RBFOX1: variants seen among roughly 807,000 people sequenced by gnomAD.
RBFOX1 encodes RNA binding protein fox-1 homolog 1.
Under a neutral mutation model 57.7 loss-of-function variants are expected in RBFOX1, and 8 were observed. That is an observed-to-expected ratio of 0.14 (90% CI 0.08 to 0.25). The LOEUF is 0.25. Among genes scored for constraint, RBFOX1 ranks in the 10% least tolerant of loss-of-function variants. The probability of loss-of-function intolerance (pLI) is 1.00; values close to 1 mark genes in which losing one functional copy is unlikely to be tolerated. For missense variants in RBFOX1, 611 were observed against 548.5 expected (o/e 1.11, Z -1.14); for synonymous variants, 326 against 222.4 (o/e 1.47, Z -4.15).
rs551245907 is a variant in RBFOX1, at chr16:5,263,221, G to A, written c.219+23116G>A. 3.4e-4 allele frequency among the ~76,000 whole-genome samples: 51 copies of A among 152,146 alleles called. 1 individual carries two copies. Among genetic ancestry groups the A allele is most frequent in the Non-Finnish European group, 5.7e-4 (39 of 68,038 alleles). The stretch of plus-strand genomic sequence containing the variant: ...CTGCATGGAGGAGGTAGTTATAGGT[G>A]ATGAGATGACTCAGGGACAAAGTTT... On this transcript the variant is annotated intron_variant, in intron 1 of 2. Transcript: ENST00000585867.
At chr16:5,413,463 A>G (rs902550825) in intron 1 of RBFOX1, among the ~76,000 whole-genome samples, 4 of 152,218 alleles carry the variant, frequency 2.6e-5, no homozygotes, top group African/African-American at 9.6e-5. Context: ...ATACAATAAA[A>G]TTCAGCTTCT....
At chr16:5,453,366 A>G (rs2068485975) in intron 1 of RBFOX1, among the ~76,000 whole-genome samples, 1 of 152,188 alleles carries the variant, frequency 6.6e-6, no homozygotes, top group African/African-American at 2.4e-5. Flanking sequence ...GAAGTGCATT[A>G]AAGATCTTAG....
At chr16:7,698,776 A>G (rs964240175) in intron 14 of RBFOX1, among the ~76,000 whole-genome samples, 2 of 152,314 alleles carry the variant, frequency 1.3e-5, no homozygotes, top group Non-Finnish European at 2.9e-5. Context: ...AAGGGGCCAT[A>G]TAAGCAAAGG....
intron 3 of RBFOX1, among the ~76,000 whole-genome samples, chr16:7,044,546 A>T (rs1440141332): frequency 6.6e-6 from 1 of 152,176 alleles, no homozygotes; most frequent in African/African-American, 2.4e-5. Flanking sequence ...TTATTGCTTC[A>T]GTTTCTAACC....
chr16:6,389,918 C>G (rs1007835160), intron 2 of RBFOX1, among the ~76,000 whole-genome samples: 1 of 152,184 alleles, frequency 6.6e-6, no homozygotes, highest in Non-Finnish European at 1.5e-5. Context: ...GTCGCTGTCT[C>G]AGCATTTCCA....
At chr16:6,707,629 G>A (rs2062995949) in intron 3 of RBFOX1, among the ~76,000 whole-genome samples, 1 of 151,978 alleles carries the variant, frequency 6.6e-6, no homozygotes, top group African/African-American at 2.4e-5. Flanking sequence ...GATCTCCTTG[G>A]ATGAACTGCC....
chr16:5,878,952 G>A (rs143768792), intron 4 of RBFOX1, among the ~76,000 whole-genome samples: 5 of 152,114 alleles, frequency 3.3e-5, no homozygotes, highest in African/African-American at 7.2e-5. Flanking sequence ...AACATCTGAC[G>A]CGTTTTACAT....
chr16:6,298,022 T>C (rs4299161), intron 1 of RBFOX1, among the ~76,000 whole-genome samples: 47,002 of 152,098 alleles, frequency 0.31, 7,284 homozygotes, highest in South Asian at 0.34. Context: ...AGAAAGCTGT[T>C]GCACTGGTCC....
At chr16:6,818,837 G>A (rs897954416) in intron 3 of RBFOX1, among the ~76,000 whole-genome samples, 5 of 152,084 alleles carry the variant, frequency 3.3e-5, no homozygotes, top group African/African-American at 7.2e-5. Context: ...TGGGCATATC[G>A]CCCAACTCAG....
intron 3 of RBFOX1, among the ~76,000 whole-genome samples, chr16:5,775,434 T>C (rs79084325): frequency 0.035 from 5,322 of 152,312 alleles, 295 homozygotes; most frequent in African/African-American, 0.12. Context: ...AGGCTAGGAC[T>C]GCTCAGAAGG....
chr16:7,709,367 C>G (rs542575790), intron 15 of RBFOX1: 44 of 1,115,190 alleles, frequency 3.9e-5, no homozygotes, highest in Non-Finnish European at 5.2e-5. Context: ...TCTCACCTAG[C>G]AGAGCACTTA....
chr16:6,798,574 A>T (rs939038707), intron 3 of RBFOX1, among the ~76,000 whole-genome samples: 1 of 152,174 alleles, frequency 6.6e-6, no homozygotes, highest in Non-Finnish European at 1.5e-5. Context: ...AACTAAGATA[A>T]CAGCTGTCTG....
chr16:7,434,077 G>A (rs2098703361), intron 4 of RBFOX1, among the ~76,000 whole-genome samples: 1 of 152,138 alleles, frequency 6.6e-6, no homozygotes. Context: ...TGTAAAGCAG[G>A]TAAAAAGGAA....
intron 3 of RBFOX1, among the ~76,000 whole-genome samples, chr16:5,651,045 T>TCTCTTCCC (rs1567347831): frequency 1.5e-5 from 1 of 65,694 alleles, no homozygotes; most frequent in African/African-American, 7.1e-5. Flanking sequence ...TCCTTCTTTT[T>TCTCTTCCC]TTTTTTTTTT....
intron 12 of RBFOX1, among the ~76,000 whole-genome samples, chr16:7,661,138 C>G (rs1225008212): frequency 6.6e-6 from 1 of 152,140 alleles, no homozygotes; most frequent in Non-Finnish European, 1.5e-5. Context: ...AAATTGGCTT[C>G]CCATTACATG....
chr16:5,872,646 G>A (rs1183115047), intron 4 of RBFOX1, among the ~76,000 whole-genome samples: 1 of 151,994 alleles, frequency 6.6e-6, no homozygotes, highest in Non-Finnish European at 1.5e-5. Context: ...TGAGGTGGGA[G>A]GGTTGCTTGA....
intron 4 of RBFOX1, among the ~76,000 whole-genome samples, chr16:7,394,300 A>T (rs2098103518): frequency 6.6e-6 from 1 of 151,868 alleles, no homozygotes; most frequent in Non-Finnish European, 1.5e-5. Flanking sequence ...TAGAATGAGA[A>T]AAAAATCTGA....
chr16:6,770,350 T>C (rs1451819405), intron 3 of RBFOX1, among the ~76,000 whole-genome samples: 2 of 152,104 alleles, frequency 1.3e-5, no homozygotes, highest in Admixed American at 6.5e-5. Context: ...AGGGCAGGGG[T>C]TGGAAAACTG....
chr16:5,953,480 C>T (rs187388864), intron 4 of RBFOX1, among the ~76,000 whole-genome samples: 21 of 152,042 alleles, frequency 1.4e-4, no homozygotes, highest in Admixed American at 1.4e-3. Flanking sequence ...AGTCTTTTAT[C>T]CCTCACCTCC....
Sources: gnomAD v4.1 joint callset for allele counts (sites outside exome capture counted in the v4.1 genomes callset) on GRCh38, gnomAD v4.1.1 for gene constraint, MANE v1.5 for transcripts, NCBI Gene and HGNC (gene_info 2026-07-23, HGNC 2026-07-21) for gene names.